Variants in BCAS3 observed in about 807,000 individuals in gnomAD.
The protein encoded by BCAS3 is BCAS3 microtubule associated cell migration factor.
A neutral mutation model predicts 116.1 loss-of-function variants in BCAS3; 53 were observed. The observed-to-expected ratio is 0.46, with a 90% CI of 0.37 to 0.57. The LOEUF is 0.57. Among genes scored for constraint, BCAS3 ranks in the 20% least tolerant of loss-of-function variants. The pLI is 0.00. For synonymous variants in BCAS3, 391 were observed against 408.2 expected, an observed-to-expected ratio of 0.96 and a Z score of 0.51; for missense variants, 917 against 1,165.4, an observed-to-expected ratio of 0.79 and a Z score of 3.10.
intron 22 of BCAS3, among the ~76,000 whole-genome samples, chr17:61,306,451 T>C (rs1459947468): frequency 1.3e-5 from 2 of 152,224 alleles, no homozygotes; most frequent in African/African-American, 4.8e-5. Flanking sequence ...AAGTACTCAA[T>C]AGCACCAAAT....
In BCAS3 at chr17:60,874,774, G is replaced by A. The variant is rs941223043; in HGVS notation, c.661+36G>A. On this transcript the variant is annotated intron_variant, in intron 9 of 23. Coordinates refer to ENST00000407086, the MANE Select transcript of BCAS3 (RefSeq NM_017679.5). The stretch of plus-strand genomic sequence containing the variant: ...ATTTTTTTTCCCTTCTTATGCCTTT[G>A]GGTTTATACTACTTACTTGACACAA... The A allele has an allele frequency of 3.7e-6, 5 of 1,343,062 alleles. No homozygotes were observed. The African/African-American group carries it at 4.4e-5, about 12-fold the overall frequency. 83.2% of individuals were successfully genotyped at this position (1,343,062 alleles called of 1,614,324 possible). A position where few individuals can be genotyped will look rare whatever the true frequency, so the allele number is the denominator to read the frequency against.
chr17:60,704,918 GA>G (rs1341693903), intron 4 of BCAS3, among the ~76,000 whole-genome samples: 5 of 152,024 alleles, frequency 3.3e-5, no homozygotes, highest in African/African-American at 1.2e-4. Context: ...CAAAAGTATG[GA>G]AGTGGTCTAC....
At chr17:61,206,806 A>C (rs1413624922) in intron 22 of BCAS3, among the ~76,000 whole-genome samples, 1 of 98,148 alleles carries the variant, frequency 1.0e-5, no homozygotes, top group Non-Finnish European at 2.3e-5. Context: ...TGTCTCAAAA[A>C]AAAAAAAAAA....
chr17:60,726,930 ATT>A (rs377483542), intron 5 of BCAS3, among the ~76,000 whole-genome samples: 325 of 152,258 alleles, frequency 2.1e-3, no homozygotes, highest in African/African-American at 7.4e-3. Flanking sequence ...TGCATATATT[ATT>A]TATTATCCTG....
At chr17:60,897,979 A>G (rs995875375) in intron 10 of BCAS3, among the ~76,000 whole-genome samples, 10 of 151,898 alleles carry the variant, frequency 6.6e-5, no homozygotes, top group African/African-American at 9.7e-5. Context: ...GGCTCAAGCA[A>G]TCTTCCTGCC....
intron 22 of BCAS3, among the ~76,000 whole-genome samples, chr17:61,266,257 G>T (rs1326173613): frequency 6.6e-6 from 1 of 152,182 alleles, no homozygotes; most frequent in African/African-American, 2.4e-5. Flanking sequence ...AGTAAAACAT[G>T]CAATGCTAAG....
intron 22 of BCAS3, among the ~76,000 whole-genome samples, chr17:61,358,173 G>A (rs201971227): frequency 2.5e-4 from 38 of 152,148 alleles, no homozygotes; most frequent in Admixed American, 9.8e-4. Context: ...CAGAGACAGC[G>A]TGGTTAACAT....
intron 5 of BCAS3, among the ~76,000 whole-genome samples, chr17:60,724,619 G>T (rs2039631592): frequency 6.6e-6 from 1 of 151,540 alleles, no homozygotes; most frequent in South Asian, 2.1e-4. Flanking sequence ...CAGCTACTTG[G>T]GAGGCTGAGG....
intron 16 of BCAS3, among the ~76,000 whole-genome samples, chr17:61,027,101 A>G (rs1055689634): frequency 6.6e-6 from 1 of 150,724 alleles, no homozygotes; most frequent in African/African-American, 2.4e-5. Context: ...GTTTCACTTC[A>G]TTCTTTAAAA....
At chr17:61,338,856 C>G (rs1375511854) in intron 22 of BCAS3, among the ~76,000 whole-genome samples, 8 of 121,126 alleles carry the variant, frequency 6.6e-5, no homozygotes, top group African/African-American at 9.3e-5. Flanking sequence ...TATCAGTCCT[C>G]AAATGGGAAG....
intron 22 of BCAS3, among the ~76,000 whole-genome samples, chr17:61,312,848 G>A (rs7221680): frequency 0.26 from 39,481 of 151,866 alleles, 6,922 homozygotes; most frequent in African/African-American, 0.5. Context: ...CAACCAAAGA[G>A]CTTTCTAAGT....
At chr17:61,046,048 A>T (rs1288662265) in intron 19 of BCAS3, among the ~76,000 whole-genome samples, 3 of 17,386 alleles carry the variant, frequency 1.7e-4, no homozygotes, top group Non-Finnish European at 2.4e-4. Context: ...TATATATATA[A>T]TATATATATT....
intron 22 of BCAS3, among the ~76,000 whole-genome samples, chr17:61,334,866 A>G (rs1240476305): frequency 6.6e-6 from 1 of 152,182 alleles, no homozygotes; most frequent in African/African-American, 2.4e-5. Flanking sequence ...TGCTTGACCC[A>G]CTGATGGGCC....
At chr17:61,011,816 G>T (rs769294170) in intron 15 of BCAS3, among the ~76,000 whole-genome samples, 1 of 152,010 alleles carries the variant, frequency 6.6e-6, no homozygotes, top group Non-Finnish European at 1.5e-5. Flanking sequence ...TTAACAATAG[G>T]TCCTGGAAGA....
chr17:60,711,242 CT>C (rs1361744720), intron 5 of BCAS3, among the ~76,000 whole-genome samples: 1 of 149,658 alleles, frequency 6.7e-6, no homozygotes, highest in African/African-American at 2.5e-5. Flanking sequence ...TTTCTTTTGA[CT>C]TTTGGGAAGT....
At chr17:60,978,846 T>C (rs2062599702) in intron 14 of BCAS3, among the ~76,000 whole-genome samples, 1 of 142,354 alleles carries the variant, frequency 7.0e-6, no homozygotes, top group African/African-American at 2.7e-5. Context: ...GGCTCTGTTC[T>C]GTTCCATTGA....
At chr17:61,187,498 G>A (rs2144206184) in intron 22 of BCAS3, among the ~76,000 whole-genome samples, 1 of 152,256 alleles carries the variant, frequency 6.6e-6, no homozygotes, top group South Asian at 2.1e-4. Context: ...AAAACACCTA[G>A]AGCTGAGAAT....
At chr17:61,100,212 T>A (rs895509202) in intron 22 of BCAS3, among the ~76,000 whole-genome samples, 9 of 152,214 alleles carry the variant, frequency 5.9e-5, no homozygotes, top group African/African-American at 2.2e-4. Context: ...TGAATGCTTG[T>A]AAGACTGGGA....
At chr17:61,067,307 ATATATATATT>A (rs2070770159) in intron 19 of BCAS3, among the ~76,000 whole-genome samples, 6 of 134,662 alleles carry the variant, frequency 4.5e-5, no homozygotes, top group African/African-American at 1.7e-4. Flanking sequence ...ATATATATAT[ATATATATATT>A]TATACAGACT....
Sources: gnomAD v4.1 joint callset for allele counts (sites outside exome capture counted in the v4.1 genomes callset) on GRCh38, gnomAD v4.1.1 for gene constraint, MANE v1.5 for transcripts, NCBI Gene and HGNC (gene_info 2026-07-23, HGNC 2026-07-21) for gene names.